Variants in NFIB observed in about 807,000 individuals in gnomAD.
NFIB encodes nuclear factor 1 B-type.
NFIB carries 11 observed loss-of-function variants against 61.5 expected under a neutral mutation model. The observed-to-expected ratio is 0.18, with a 90% confidence interval of 0.11 to 0.30. The LOEUF is 0.30. Ranked by LOEUF, NFIB falls within the 10% of genes least tolerant of loss-of-function variation. The pLI, the probability that NFIB is intolerant of heterozygous loss-of-function variation, is 1.00. For synonymous variants in NFIB, 260 were observed against 216.5 expected (o/e 1.20, Z -1.76); for missense variants, 471 against 608.9 (o/e 0.77, Z 2.38).
rs71491637 is a variant in NFIB, at chr9:14,187,027, ATGTGTGTGTGTGTG to A, written c.563-7261_563-7248del. 1.0e-2 allele frequency among the ~76,000 whole-genome samples: 607 copies of A among 60,970 alleles called. 9 individuals are homozygous for A. Among genetic ancestry groups the A allele is most frequent in the Non-Finnish European group, 0.015 (291 of 19,232 alleles). 40.0% of individuals were successfully genotyped at this position (60,970 alleles called of 152,430 possible). ...CTCCTGTGTGTGTGTGTGTGTGTGT[ATGTGTGTGTGTGTG>A]TGTGTGTGTGTGTGTGTGTGTGTGT... is the stretch of plus-strand genomic sequence containing the variant. On this transcript the variant is annotated intron_variant, in intron 2 of 10. Transcript: ENST00000380953.
At chr9:14,488,303 C>T in the NFIB span, among the ~76,000 whole-genome samples, 1 of 151,112 alleles carries the variant, frequency 6.6e-6, no homozygotes, top group East Asian at 1.9e-4. Context: ...GTAAAGGCTT[C>T]GGTGAGCCAT....
chr9:14,307,333 G>A lies in NFIB; in HGVS notation c.218C>T (p.Ala73Val), dbSNP rs766542988. 6.2e-7 allele frequency: 1 copy of A among 1,614,014 alleles called. No individual in the cohort carries two copies. The highest frequency in any genetic ancestry group is 1.3e-5 in the African/African-American group (1 of 74,994). The change falls in exon 2 of 11, where the codon GCA (alanine) becomes GTA (valine). Residue 73 changes from alanine to valine, a missense_variant. Coordinates refer to ENST00000380953, the MANE Select transcript of NFIB (RefSeq NM_001190737.2). This position sits in a 1 kb window ranked among gnomAD's most constrained non-coding sequence, Gnocchi z 5.3. The stretch of plus-strand genomic sequence containing the variant: ...GCGCAGTTTGGCAAGGAGCCTGGAT[G>A]CCCACTTCTGTTTGATTTCAGGCTT... ...SEKPEIKQKWASRLLAKLRKD... is the reference protein window; with the variant it reads ...SEKPEIKQKWVSRLLAKLRKD...
chr9:14,499,805 A>C, the NFIB span, among the ~76,000 whole-genome samples: 1 of 152,158 alleles, frequency 6.6e-6, no homozygotes, highest in Admixed American at 6.5e-5. Flanking sequence ...ATGGCTGAGG[A>C]AAGAGACTAC....
At position 14,183,267 on chromosome 9, in the gene NFIB, C is replaced by T. The variant is rs145802796; in HGVS notation, c.563-3487G>A. 2.1e-3 allele frequency among the ~76,000 whole-genome samples: 316 copies of T among 152,276 alleles called. 1 individual carries two copies. Among genetic ancestry groups the T allele is most frequent in the African/African-American group, 7.3e-3 (304 of 41,570 alleles). ...GTCCACTGCTCTTCAAGGCTCTTAG[C>T]AGCTGTCATGCTCAAAAGGCAGTAG... On this transcript the variant is annotated intron_variant, in intron 2 of 10. Coordinates refer to ENST00000380953, the MANE Select transcript of NFIB (RefSeq NM_001190737.2).
the NFIB span, among the ~76,000 whole-genome samples, chr9:14,424,498 C>A: frequency 1.3e-5 from 2 of 152,216 alleles, no homozygotes; most frequent in African/African-American, 4.8e-5. Context: ...GAGCTTGAAA[C>A]ATTTGCCCCA....
chr9:14,170,873 C>G (rs933654058), intron 3 of NFIB, among the ~76,000 whole-genome samples: 3 of 152,134 alleles, frequency 2.0e-5, no homozygotes, highest in Admixed American at 1.3e-4. Context: ...TGTGCAAGCC[C>G]TCTTGGAAGT....
the NFIB span, among the ~76,000 whole-genome samples, chr9:14,438,041 C>T: frequency 2.0e-5 from 3 of 149,534 alleles, no homozygotes; most frequent in South Asian, 4.2e-4. Context: ...CGCGTATGTG[C>T]GTGCGTGTGC....
At chr9:14,424,007 C>G in the NFIB span, among the ~76,000 whole-genome samples, 2 of 151,652 alleles carry the variant, frequency 1.3e-5, no homozygotes, top group African/African-American at 4.8e-5. Flanking sequence ...TTTTATCTCT[C>G]GCTTTTTTGG....
At chr9:14,230,085 G>A (rs753186015) in intron 2 of NFIB, among the ~76,000 whole-genome samples, 1 of 152,190 alleles carries the variant, frequency 6.6e-6, no homozygotes, top group African/African-American at 2.4e-5. Flanking sequence ...GATTACAGGC[G>A]TGAGCCACTG....
the NFIB span, among the ~76,000 whole-genome samples, chr9:14,434,777 C>A: frequency 6.6e-6 from 1 of 152,186 alleles, no homozygotes; most frequent in Non-Finnish European, 1.5e-5. Flanking sequence ...GTAGTCTACA[C>A]AAGATATTCC....
In NFIB at chr9:14,342,405, G is replaced by T. The variant is rs185880427; in HGVS notation, c.109-34885C>A. 2.9e-3 allele frequency among the ~76,000 whole-genome samples: 443 copies of T among 152,022 alleles called. 1 individual carries two copies. Among genetic ancestry groups the T allele is most frequent in the African/African-American group, 0.01 (422 of 41,436 alleles). ...TGCTTACACCTTTGGAAAGATCAGGGGAAAAGCCAGTGAAATGAGAAGGAA... is the reference window on the plus strand; with the variant it reads ...TGCTTACACCTTTGGAAAGATCAGGTGAAAAGCCAGTGAAATGAGAAGGAA... On this transcript the variant is annotated intron_variant, in intron 1 of 8. Coordinates refer to the NFIB transcript ENST00000380934.
chr9:14,450,605 A>G, the NFIB span, among the ~76,000 whole-genome samples: 2 of 152,122 alleles, frequency 1.3e-5, no homozygotes, highest in Non-Finnish European at 2.9e-5. Flanking sequence ...GCCCCTCTAC[A>G]CTGCATTGAG....
At chr9:14,172,126 T>A (rs1378943530) in intron 3 of NFIB, among the ~76,000 whole-genome samples, 2 of 152,128 alleles carry the variant, frequency 1.3e-5, no homozygotes, top group Non-Finnish European at 2.9e-5. Flanking sequence ...ATGGATTTAA[T>A]GAGAATCATT....
At chr9:14,241,854 T>C (rs1186508926) in intron 2 of NFIB, among the ~76,000 whole-genome samples, 2 of 152,232 alleles carry the variant, frequency 1.3e-5, no homozygotes, top group East Asian at 1.9e-4. Context: ...ATTGTATGTC[T>C]AATTTTTTAA....
At chr9:14,152,000 C>T (rs572041909) in intron 4 of NFIB, among the ~76,000 whole-genome samples, 2 of 152,104 alleles carry the variant, frequency 1.3e-5, no homozygotes, top group Admixed American at 6.6e-5. Context: ...GTTCACTACC[C>T]TTTGAATTGT....
At chr9:14,109,980 T>A (rs117486146) in intron 10 of NFIB, among the ~76,000 whole-genome samples, 158 of 152,208 alleles carry the variant, frequency 1.0e-3, no homozygotes, top group Non-Finnish European at 2.0e-3. Flanking sequence ...ATAACAATTG[T>A]CTGTGTACCA....
chr9:14,330,145 CAAAG>C (rs1205442551), intron 1 of NFIB, among the ~76,000 whole-genome samples: 2 of 151,962 alleles, frequency 1.3e-5, no homozygotes, highest in African/African-American at 4.8e-5. Context: ...AAACAGAAAA[CAAAG>C]AAACAAACAA....
chr9:14,215,881 G>A (rs748779926), intron 2 of NFIB, among the ~76,000 whole-genome samples: 7 of 152,098 alleles, frequency 4.6e-5, no homozygotes, highest in Non-Finnish European at 8.8e-5. Context: ...TCATCATCTT[G>A]TAAAAGGCAA....
intron 6 of NFIB, among the ~76,000 whole-genome samples, chr9:14,133,576 C>T (rs1361221489): frequency 6.6e-6 from 1 of 152,160 alleles, no homozygotes; most frequent in Non-Finnish European, 1.5e-5. Context: ...ACAGTTTGGG[C>T]TCTGTTCCCA....
Sources: gnomAD v4.1 joint callset for allele counts (sites outside exome capture counted in the v4.1 genomes callset) on GRCh38, gnomAD v4.1.1 for gene constraint, Gnocchi (gnomAD v3.1) non-coding constraint, MANE v1.5 for transcripts, NCBI Gene and HGNC (gene_info 2026-07-23, HGNC 2026-07-21) for gene names.